Variants in PITPNM3 observed in about 807,000 individuals in gnomAD.
The protein encoded by PITPNM3 is PITPNM family member 3.
In PITPNM3, 26 loss-of-function variants were observed where a neutral mutation model predicts 102.0. That is an observed-to-expected ratio of 0.25 (90% CI 0.19 to 0.35). PITPNM3 has a LOEUF of 0.35. PITPNM3 is among the 10% of genes least tolerant of loss of function. The pLI, the probability that PITPNM3 is intolerant of heterozygous loss-of-function variation, is 1.00. For synonymous variants in PITPNM3, 578 were observed against 558.6 expected (o/e 1.03, Z -0.49); for missense variants, 1,083 against 1,346.1 (o/e 0.80, Z 3.06).
At position 6,509,604 on chromosome 17, in the gene PITPNM3, A is replaced by AT. The variant is rs571831954; in HGVS notation, c.227-6031_227-6030insA. ...CATGAAGCCTGGCTGAGGAGCGAAG[A>AT]CCTGCATGCTCCCTCCCTGCTCAGG... is the stretch of plus-strand genomic sequence containing the variant. On this transcript the variant is annotated intron_variant, in intron 3 of 19. Transcript: ENST00000262483. Among the ~76,000 whole-genome samples, 361 of 152,072 alleles carry AT rather than the reference A, an allele frequency of 2.4e-3. 1 individual carries two copies. The Middle Eastern group carries it at 0.024, about 10-fold the overall frequency.
Position 6,457,451 on chromosome 17 carries a change from AC to A in PITPNM3, c.2619+142del. On this transcript the variant is annotated intron_variant, in intron 19 of 19. Coordinates refer to ENST00000262483, the MANE Select transcript of PITPNM3 (RefSeq NM_031220.4). This position sits in a 1 kb window ranked among gnomAD's most constrained non-coding sequence, Gnocchi z 4.7. The stretch of plus-strand genomic sequence containing the variant: ...ACACAGGCCCTGGCCCAAGGCAGGC[AC>A]CCCGAAGTGTTTGTTGAATAAATGA... 1 of 1,373,052 alleles carries A rather than the reference AC, an allele frequency of 7.3e-7. No individual in the cohort carries two copies. 85.1% of individuals were successfully genotyped at this position (1,373,052 alleles called of 1,614,324 possible). A position where few individuals can be genotyped will look rare whatever the true frequency, so the allele number is the denominator to read the frequency against.
chr17:6,483,826 C>G, intron 5 of PITPNM3, 74 bp from the exon 6 acceptor site: 1 of 1,257,824 alleles, frequency 8.0e-7, no homozygotes, highest in East Asian at 2.3e-5. Context: ...GACACACACA[C>G]ACATGTGCGC....
intron 17 of PITPNM3, among the ~76,000 whole-genome samples, chr17:6,462,997 C>T (rs1396511061): frequency 3.3e-5 from 5 of 152,030 alleles, no homozygotes; most frequent in Non-Finnish European, 5.9e-5. Flanking sequence ...GGGACTGTGA[C>T]GCAGGAGGGA....
At chr17:6,480,593 C>T (rs913353983) in intron 6 of PITPNM3, 4 of 152,316 alleles carry the variant, frequency 2.6e-5, no homozygotes, top group African/African-American at 9.6e-5. Flanking sequence ...GGGCTGGGCT[C>T]TGCAGCAGCC....
rs572630050 is a variant in PITPNM3, at chr17:6,519,230, G to C, written c.226+6126C>G. The stretch of plus-strand genomic sequence containing the variant: ...CGGGCGCCTGTAGTCCCAGCTACTC[G>C]GGAGGCTGAGGCAGGAGAATGGCGT... On this transcript the variant is annotated intron_variant, in intron 3 of 19. Coordinates refer to ENST00000262483, the MANE Select transcript of PITPNM3 (RefSeq NM_031220.4). Among the ~76,000 whole-genome samples, 44 of 64,294 alleles carry C rather than the reference G, an allele frequency of 6.8e-4. 15 individuals are homozygous for C. The highest frequency in any genetic ancestry group is 2.7e-3 in the African/African-American group (40 of 14,834). 42.2% of individuals were successfully genotyped at this position (64,294 alleles called of 152,430 possible).
chr17:6,512,868 AGATT>A (rs1371109962), intron 3 of PITPNM3, among the ~76,000 whole-genome samples: 2 of 152,332 alleles, frequency 1.3e-5, no homozygotes, highest in African/African-American at 4.8e-5. Flanking sequence ...GATAGCTCAT[AGATT>A]GTTAGTATAC....
Position 6,469,752 on chromosome 17 carries a change from A to G in PITPNM3, c.1773+508T>C, listed in dbSNP as rs1904968520. ...CTTCAAAAAACACAAGCCAGTTGCT[A>G]TTTCTTCCTTGCTCACAGCCCTGCA... is the stretch of plus-strand genomic sequence containing the variant. On this transcript the variant is annotated intron_variant, in intron 13 of 19. Coordinates refer to ENST00000262483, the MANE Select transcript of PITPNM3 (RefSeq NM_031220.4). This position sits in a 1 kb window ranked among gnomAD's most constrained non-coding sequence, Gnocchi z 4.0. 6.6e-6 allele frequency among the ~76,000 whole-genome samples: 1 copy of G among 152,048 alleles called. No homozygotes were observed. The highest frequency in any genetic ancestry group is 1.5e-5 in the Non-Finnish European group (1 of 68,014).
chr17:6,475,644 T>A (rs1905268651), intron 9 of PITPNM3, among the ~76,000 whole-genome samples: 1 of 152,170 alleles, frequency 6.6e-6, no homozygotes, highest in Non-Finnish European at 1.5e-5. Flanking sequence ...TACAGCGTGG[T>A]CCCTAAACAC....
In PITPNM3 at chr17:6,464,335, G is replaced by A. The variant is rs1298876640; in HGVS notation, c.2008-17C>T. The A allele has an allele frequency of 2.5e-6, 4 of 1,612,268 alleles. No homozygotes were observed. The highest frequency in any genetic ancestry group is 2.2e-5 in the East Asian group (1 of 44,884). On this transcript the variant is annotated splice_polypyrimidine_tract_variant and intron_variant, in intron 15 of 19. Transcript: ENST00000262483. ...GATGTCCACCTGCGGCAGTGAAGGG[G>A]GTCAGGGACTCCCTGAAGGCTGAGG...
intron 3 of PITPNM3, among the ~76,000 whole-genome samples, chr17:6,506,435 G>A (rs901959983): frequency 2.0e-5 from 3 of 148,134 alleles, no homozygotes; most frequent in African/African-American, 7.5e-5. Flanking sequence ...GCAATGGTGC[G>A]ATTTCGGCTC....
intron 3 of PITPNM3, 56 bp downstream of exon 3, chr17:6,525,300 C>A (rs3809834): frequency 7.6e-5 from 113 of 1,485,442 alleles, no homozygotes; most frequent in African/African-American, 2.6e-4. Flanking sequence ...GCCCTACAGC[C>A]CCCCCTGCAA....
intron 2 of PITPNM3, among the ~76,000 whole-genome samples, chr17:6,532,155 G>A (rs1909182017): frequency 1.3e-5 from 2 of 150,140 alleles, no homozygotes; most frequent in South Asian, 2.1e-4. Flanking sequence ...AACACTTTGC[G>A]CTGGCTGTTC....
intron 14 of PITPNM3, among the ~76,000 whole-genome samples, chr17:6,465,195 C>A (rs369555989): frequency 6.6e-6 from 1 of 152,162 alleles, no homozygotes; most frequent in African/African-American, 2.4e-5. Context: ...TACAGGCATG[C>A]GCCTCCACAC....
chr17:6,489,999 T>A (rs1217395224), intron 4 of PITPNM3, among the ~76,000 whole-genome samples: 2 of 150,044 alleles, frequency 1.3e-5, no homozygotes, highest in Non-Finnish European at 2.9e-5. Context: ...AGAGCGAGAC[T>A]CCATCTCAAA....
intron 10 of PITPNM3, among the ~76,000 whole-genome samples, 187 bp downstream of exon 10, chr17:6,474,243 CCT>C (rs1365549900): frequency 6.6e-6 from 1 of 152,122 alleles, no homozygotes; most frequent in Non-Finnish European, 1.5e-5. Flanking sequence ...TCACCTTCGC[CCT>C]GTGTCAGGAG....
intron 3 of PITPNM3, among the ~76,000 whole-genome samples, chr17:6,505,749 C>G (rs1907465768): frequency 6.6e-6 from 1 of 152,200 alleles, no homozygotes; most frequent in Admixed American, 6.5e-5. Context: ...CTTCTATGGG[C>G]CAAGCCCCAT....
In PITPNM3 at chr17:6,470,518, C is replaced by G; in HGVS notation, c.1625-110G>C. ...GGTGGTGGATGCCCCACGTGGGGCA[C>G]GGGTTTGGGCGGGAGCACCCTGGCC... On this transcript the variant is annotated intron_variant, in intron 12 of 19. Coordinates refer to ENST00000262483, the MANE Select transcript of PITPNM3 (RefSeq NM_031220.4). This position sits in a 1 kb window ranked among gnomAD's most constrained non-coding sequence, Gnocchi z 4.8. 1 of 1,417,392 alleles carries G rather than the reference C, an allele frequency of 7.1e-7. No individual in the cohort carries two copies. Among genetic ancestry groups the G allele is most frequent in the Non-Finnish European group, 9.9e-7 (1 of 1,014,314 alleles). 87.8% of individuals were successfully genotyped at this position (1,417,392 alleles called of 1,614,324 possible).
At position 6,461,354 on chromosome 17, in the gene PITPNM3, C is replaced by A. The variant is rs372588723; in HGVS notation, c.2490+19G>T. 8.1e-6 allele frequency: 13 copies of A among 1,612,892 alleles called. No individual in the cohort carries two copies. In the African/African-American group the frequency reaches 1.2e-4, roughly 15 times the overall value. ...GCGCTCTCAAGCCATGGAGTCCCCA[C>A]CCCAGGATGGCCACTCACCTCCTGC... On this transcript the variant is annotated intron_variant, in intron 18 of 19. Transcript: ENST00000262483.
At chr17:6,552,334 C>T (rs1397687597) in intron 1 of PITPNM3, among the ~76,000 whole-genome samples, 5 of 152,260 alleles carry the variant, frequency 3.3e-5, no homozygotes, top group Admixed American at 3.3e-4. Context: ...CTCATTCTCT[C>T]AGTGGGAGAG....
Sources: gnomAD v4.1 joint callset for allele counts (sites outside exome capture counted in the v4.1 genomes callset) on GRCh38, gnomAD v4.1.1 for gene constraint, Gnocchi (gnomAD v3.1) non-coding constraint, MANE v1.5 for transcripts, NCBI Gene and HGNC (gene_info 2026-07-23, HGNC 2026-07-21) for gene names.